Variants in STK11 observed in about 807,000 individuals in gnomAD.
STK11 encodes the protein serine/threonine-protein kinase STK11.
STK11 carries 8 observed loss-of-function variants against 47.3 expected under a neutral mutation model. The observed-to-expected ratio is 0.17, with a 90% CI of 0.10 to 0.31. The LOEUF (loss-of-function observed/expected upper bound fraction) is 0.31, where lower values mean the gene tolerates loss of function less well. Ranked by LOEUF, STK11 falls within the 10% of genes least tolerant of loss-of-function variation. The probability of loss-of-function intolerance (pLI) is 1.00; values close to 1 mark genes in which losing one functional copy is unlikely to be tolerated. For missense variants in STK11, 475 were observed against 605.0 expected, an observed-to-expected ratio of 0.79 and a Z score of 2.25; for synonymous variants, 330 against 255.8, an observed-to-expected ratio of 1.29 and a Z score of -2.77.
intron 1 of STK11, among the ~76,000 whole-genome samples, chr19:1,207,767 G>A (rs1158798718): frequency 6.6e-6 from 1 of 152,336 alleles, no homozygotes; most frequent in East Asian, 1.9e-4. Context: ...GGGATGTGAC[G>A]CTGGAAGCAT....
At position 1,220,354 on chromosome 19, in the gene STK11, G is replaced by C. The variant is rs776367814; in HGVS notation, c.465-19G>C. The C allele has an allele frequency of 6.3e-7, 1 of 1,592,208 alleles. No homozygotes were observed. On this transcript the variant is annotated intron_variant, in intron 3 of 9. Transcript: ENST00000326873. ...GGCAGGGAGGCCTCGGCCCCAGGAC[G>C]GGTGTGTGCTGCCCGCAGGTACTTC...
chr19:1,212,104 CA>C (rs1217750320), intron 1 of STK11, among the ~76,000 whole-genome samples: 1 of 152,052 alleles, frequency 6.6e-6, no homozygotes, highest in Non-Finnish European at 1.5e-5. Flanking sequence ...GCTGTGCACA[CA>C]GTGGGCTTCC....
chr19:1,225,237 T>G, intron 8 of STK11: 8 of 984,712 alleles, frequency 8.1e-6, no homozygotes, highest in Non-Finnish European at 9.6e-6. Context: ...CTCAGACCTA[T>G]GGGTGCAATT....
intron 9 of STK11, chr19:1,227,095 C>T (rs1021856193): frequency 1.1e-5 from 2 of 181,526 alleles, no homozygotes; most frequent in African/African-American, 2.4e-5. Flanking sequence ...GCCGGGGTGC[C>T]GCAGGCTCTG....
At chr19:1,213,650 C>T (rs1050633559) in intron 1 of STK11, among the ~76,000 whole-genome samples, 5 of 152,252 alleles carry the variant, frequency 3.3e-5, no homozygotes, top group Non-Finnish European at 5.9e-5. Flanking sequence ...TGGAGGGCCA[C>T]GCTGCGTTTG....
chr19:1,222,742 T>C lies in STK11; in HGVS notation c.921-243T>C, dbSNP rs770248726. On this transcript the variant is annotated intron_variant, in intron 7 of 9. Transcript: ENST00000326873. ...AGCATCCATCTGGTGGGTGCTGGCT[T>C]CTGAGTGCCACCTGGGACACAGGCC... Among the ~76,000 whole-genome samples, 105 of 152,122 alleles carry C rather than the reference T, an allele frequency of 6.9e-4. 2 individuals are homozygous for C. The highest frequency in any genetic ancestry group is 1.2e-4 in the Non-Finnish European group (8 of 67,990).
At chr19:1,209,967 C>G (rs1028714768) in intron 1 of STK11, among the ~76,000 whole-genome samples, 38 of 152,170 alleles carry the variant, frequency 2.5e-4, no homozygotes, top group African/African-American at 9.2e-4. Context: ...TGCACCCTCA[C>G]TAGTGTTCAG....
chr19:1,227,483 G>A (rs1037859867), intron 9 of STK11, 110 bp from the exon 10 acceptor site: 1 of 1,047,148 alleles, frequency 9.5e-7, no homozygotes, highest in Non-Finnish European at 1.2e-6. Context: ...CCCCCCAGGA[G>A]TCCGGTAGCC....
chr19:1,218,339 G>T, intron 1 of STK11, 78 bp from the exon 2 acceptor site: 1 of 1,181,870 alleles, frequency 8.5e-7, no homozygotes, highest in South Asian at 1.2e-5. Flanking sequence ...ACAGGGAGAT[G>T]GGGAGGCCGA....
intron 3 of STK11, chr19:1,219,953 T>A (rs2080771167): frequency 5.0e-6 from 1 of 201,726 alleles, no homozygotes; most frequent in African/African-American, 2.3e-5. Flanking sequence ...GCCTGCTGCC[T>A]GAGGCCAGTG....
chr19:1,213,145 T>C (rs2080723297), intron 1 of STK11, among the ~76,000 whole-genome samples: 2 of 151,432 alleles, frequency 1.3e-5, no homozygotes, highest in African/African-American at 2.4e-5. Context: ...TACAGGCGCC[T>C]GCCACCATGC....
At chr19:1,215,658 G>A (rs766106612) in intron 1 of STK11, among the ~76,000 whole-genome samples, 5 of 152,242 alleles carry the variant, frequency 3.3e-5, no homozygotes, top group Non-Finnish European at 2.9e-5. Context: ...CACTGGGAGG[G>A]AAAGGTGAGC....
rs945815282 is a variant in STK11, at chr19:1,227,982, C to T, written c.*406C>T. ...GGTGTGGAGACCAGGCTCCTGACCC[C>T]GCCATGCATGCAGCGCCACCTGGAA... is the stretch of plus-strand genomic sequence containing the variant. On this transcript the variant is annotated 3_prime_UTR_variant, in exon 10 of 10. Coordinates refer to ENST00000326873, the MANE Select transcript of STK11 (RefSeq NM_000455.5). The T allele has an allele frequency of 1.1e-4, 119 of 1,068,766 alleles. No individual in the cohort carries two copies. Among genetic ancestry groups the T allele is most frequent in the Non-Finnish European group, 1.3e-4 (117 of 881,494 alleles). 66.2% of individuals were successfully genotyped at this position (1,068,766 alleles called of 1,614,324 possible).
chr19:1,226,838 T>TCCA, intron 9 of STK11, 175 bp downstream of exon 9: 1 of 778,142 alleles, frequency 1.3e-6, no homozygotes, highest in Non-Finnish European at 1.9e-6. Flanking sequence ...GGGTGCCGTC[T>TCCA]CGGGGCCTGG....
intron 1 of STK11, 110 bp from the exon 2 acceptor site, chr19:1,218,307 A>C: frequency 1.2e-6 from 1 of 859,884 alleles, no homozygotes; most frequent in Non-Finnish European, 2.0e-6. Context: ...TCTCTAGGGA[A>C]GGGAGGAGGT....
rs730881965 is a variant in STK11, at chr19:1,223,048, C to A, written c.984C>A (p.Thr328=). 1 of 1,601,146 alleles carries A rather than the reference C, an allele frequency of 6.2e-7. No individual in the cohort carries two copies. The highest frequency in any genetic ancestry group is 1.3e-5 in the African/African-American group (1 of 74,784). The change falls in exon 8 of 10, where the codon ACC becomes ACA. Residue 328 remains threonine, a synonymous_variant. Coordinates refer to ENST00000326873, the MANE Select transcript of STK11 (RefSeq NM_000455.5). ...TGCCCATCCCACCGAGCCCAGACAC[C>A]AAGGACCGGTGGCGCAGCATGACTG... is the stretch of plus-strand genomic sequence containing the variant. ...APVPIPPSPD[T]KDRWRSMTVV...
chr19:1,225,045 A>C (rs1396042970), intron 8 of STK11: 1 of 985,510 alleles, frequency 1.0e-6, no homozygotes, highest in African/African-American at 1.7e-5. Flanking sequence ...GTCCCTACCC[A>C]GGATGCGGGT....
chr19:1,208,803 A>G (rs1243181922), intron 1 of STK11, among the ~76,000 whole-genome samples: 10 of 77,176 alleles, frequency 1.3e-4, no homozygotes, highest in African/African-American at 5.8e-4. Context: ...TTTTTTTTTT[A>G]GTAGAGACGG....
rs770011294 is a variant in STK11, at chr19:1,226,529, C to T, written c.1184C>T (p.Thr395Ile). 2.5e-6 allele frequency: 4 copies of T among 1,608,344 alleles called. No homozygotes were observed. The highest frequency in any genetic ancestry group is 3.4e-6 in the Non-Finnish European group (4 of 1,178,208). The change falls in exon 9 of 10, where the codon ACA becomes ATA. Residue 395 changes from threonine to isoleucine, a missense_variant. Physicochemically the swap from Thr to Ile is moderately conservative, Grantham distance 89. Transcript: ENST00000326873. The part of the protein sequence containing the change: ...GLPKAVCMNG[T>I]EAAQLSTKSR... The stretch of plus-strand genomic sequence containing the variant: ...CCCAAGGCCGTGTGTATGAACGGCA[C>T]AGAGGCGGCGCAGCTGAGCACCAAA...
Sources: allele counts gnomAD v4.1 joint callset (sites outside exome capture counted in the v4.1 genomes callset), GRCh38; gene constraint gnomAD v4.1.1; transcripts MANE v1.5; gene names NCBI Gene and HGNC (gene_info 2026-07-23, HGNC 2026-07-21).